The following FAM168A variants were observed in gnomAD, a reference collection of about 807,000 sequenced individuals.
FAM168A encodes the protein family with sequence similarity 168 member A, also known as protein FAM168A.
A neutral mutation model predicts 28.5 loss-of-function variants in FAM168A; 3 were observed. That is an observed-to-expected ratio of 0.11 (90% CI 0.05 to 0.27). FAM168A has a LOEUF of 0.27. Among genes scored for constraint, FAM168A ranks in the 10% least tolerant of loss-of-function variants. The pLI is 1.00. For synonymous variants in FAM168A, 122 were observed against 124.2 expected (o/e 0.98, Z 0.12); for missense variants, 222 against 311.5 (o/e 0.71, Z 2.16).
chr11:73,573,792 C>G (rs991905971), intron 1 of FAM168A, among the ~76,000 whole-genome samples: 1 of 151,972 alleles, frequency 6.6e-6, no homozygotes, highest in Non-Finnish European at 1.5e-5. Flanking sequence ...CCTGTCTCTA[C>G]AAAAAATTCA....
chr11:73,549,126 G>A (rs1590848241), intron 1 of FAM168A, among the ~76,000 whole-genome samples: 1 of 152,050 alleles, frequency 6.6e-6, no homozygotes, highest in East Asian at 1.9e-4. Flanking sequence ...ATTTTTAGTA[G>A]AGATGGGGTT....
chr11:73,461,976 C>T (rs1002462014), intron 2 of FAM168A, among the ~76,000 whole-genome samples: 17 of 152,052 alleles, frequency 1.1e-4, no homozygotes, highest in Admixed American at 2.0e-4. Context: ...CAAACATTGG[C>T]GAAGCTGTGC....
chr11:73,589,738 G>T (rs963955801), intron 1 of FAM168A, among the ~76,000 whole-genome samples: 2 of 152,122 alleles, frequency 1.3e-5, no homozygotes, highest in Non-Finnish European at 2.9e-5. Context: ...ACCAGCCTGG[G>T]CAAGATGCTG....
chr11:73,426,829 G>A (rs576398721), intron 3 of FAM168A, among the ~76,000 whole-genome samples: 1 of 151,902 alleles, frequency 6.6e-6, no homozygotes, highest in African/African-American at 2.4e-5. Flanking sequence ...CCGAGTTTGG[G>A]GCCTTTAAAT....
intron 4 of FAM168A, among the ~76,000 whole-genome samples, chr11:73,417,320 CATG>C (rs1866710577): frequency 6.6e-6 from 1 of 152,176 alleles, no homozygotes. Flanking sequence ...AGGTCCAATG[CATG>C]GACATCAATT....
rs117678944 is a variant in FAM168A, at chr11:73,470,424, C to A, written c.-18-1932G>T. Among the ~76,000 whole-genome samples the A allele has an allele frequency of 3.3e-3, 510 of 152,240 alleles. 2 individuals carry two copies. Among genetic ancestry groups the A allele is most frequent in the Admixed American group, 5.3e-3 (81 of 15,294 alleles). On this transcript the variant is annotated intron_variant, in intron 1 of 7. Coordinates refer to ENST00000356467, the MANE Select transcript of FAM168A (RefSeq NM_015159.3). ...CTGCAGTGGTTTGAATGTTTCCCCC[C>A]AGAAAGCACGTGCTGGAAGCTTAAT...
chr11:73,434,249 C>G (rs1716246508), intron 2 of FAM168A, among the ~76,000 whole-genome samples: 1 of 152,100 alleles, frequency 6.6e-6, no homozygotes, highest in African/African-American at 2.4e-5. Flanking sequence ...AACAAAGATT[C>G]CTGCCCTTGT....
chr11:73,489,737 C>G (rs751124384), intron 1 of FAM168A, among the ~76,000 whole-genome samples: 1 of 152,106 alleles, frequency 6.6e-6, no homozygotes, highest in Non-Finnish European at 1.5e-5. Flanking sequence ...TCTTGAATCC[C>G]TGGGCTCAAG....
intron 1 of FAM168A, among the ~76,000 whole-genome samples, chr11:73,484,520 A>ATCTATATATCTATATATCTATCTATATC (rs200648586): frequency 7.4e-6 from 1 of 135,002 alleles, no homozygotes; most frequent in Non-Finnish European, 1.6e-5. Flanking sequence ...ATATATAGAT[A>ATCTATATATCTATATATCTATCTATATC]TATATATCTA....
intron 2 of FAM168A, among the ~76,000 whole-genome samples, chr11:73,465,952 G>A (rs1341794510): frequency 1.3e-5 from 2 of 151,472 alleles, no homozygotes; most frequent in Non-Finnish European, 2.9e-5. Context: ...CTCGGTAAAG[G>A]GGCTTTAAAA....
chr11:73,534,217 A>G (rs1943548562), intron 1 of FAM168A, among the ~76,000 whole-genome samples: 1 of 152,190 alleles, frequency 6.6e-6, no homozygotes, highest in Non-Finnish European at 1.5e-5. Flanking sequence ...AGCAATAGCC[A>G]TAAAATACTG....
intron 1 of FAM168A, among the ~76,000 whole-genome samples, chr11:73,534,361 G>GCCACACAAGGCTCAAAAA (rs1487448484): frequency 2.0e-5 from 3 of 151,908 alleles, no homozygotes; most frequent in Non-Finnish European, 4.4e-5. Context: ...TCAGAAACTG[G>GCCACACAAGGCTCAAAAA]CAGTATCATG....
rs377070381 is a variant in FAM168A at position 73,478,162 on chromosome 11, T to C, written c.-18-9670A>G. 1.6e-4 allele frequency among the ~76,000 whole-genome samples: 25 copies of C among 152,344 alleles called. 1 individual carries two copies. In the East Asian group the frequency reaches 2.9e-3, roughly 18 times the overall value. ...TCTACATTTTACTGAATTACATTAG[T>C]TTGCATCTGAACTAGACTGAAATAA... is the stretch of plus-strand genomic sequence containing the variant. On this transcript the variant is annotated intron_variant, in intron 1 of 7. Coordinates refer to ENST00000356467, the MANE Select transcript of FAM168A (RefSeq NM_015159.3).
At chr11:73,524,097 T>C (rs1328647381) in intron 1 of FAM168A, among the ~76,000 whole-genome samples, 1 of 152,178 alleles carries the variant, frequency 6.6e-6, no homozygotes, top group African/African-American at 2.4e-5. Flanking sequence ...CCTCTCAGAA[T>C]GTAAGATAAT....
At chr11:73,407,665 A>G in intron 6 of FAM168A, 22 bp from the exon 7 acceptor site, 1 of 1,594,518 alleles carries the variant, frequency 6.3e-7, no homozygotes, top group South Asian at 1.1e-5. Flanking sequence ...GAGAGAGAAG[A>G]GTAACCTGAC....
chr11:73,517,969 A>C (rs1943326169), intron 1 of FAM168A, among the ~76,000 whole-genome samples: 1 of 152,208 alleles, frequency 6.6e-6, no homozygotes, highest in African/African-American at 2.4e-5. Context: ...GCAGGAGCAA[A>C]GGCAATCTGG....
chr11:73,574,272 G>A (rs1944144200), intron 1 of FAM168A, among the ~76,000 whole-genome samples: 1 of 152,094 alleles, frequency 6.6e-6, no homozygotes, highest in South Asian at 2.1e-4. Flanking sequence ...TGGGAAAGTT[G>A]GCTATTATTA....
intron 1 of FAM168A, among the ~76,000 whole-genome samples, chr11:73,491,494 A>T (rs542408540): frequency 7.2e-5 from 11 of 152,312 alleles, no homozygotes; most frequent in Non-Finnish European, 1.5e-4. Context: ...TGAACTGAAT[A>T]ATTATTGAGG....
chr11:73,590,103 T>G (rs1186079878), intron 1 of FAM168A, among the ~76,000 whole-genome samples: 1 of 151,930 alleles, frequency 6.6e-6, no homozygotes, highest in Non-Finnish European at 1.5e-5. Flanking sequence ...CTTATTTTCA[T>G]TAGAATATGC....
Sources: allele counts gnomAD v4.1 joint callset (sites outside exome capture counted in the v4.1 genomes callset), GRCh38; gene constraint gnomAD v4.1.1; transcripts MANE v1.5; gene names NCBI Gene and HGNC (gene_info 2026-07-23, HGNC 2026-07-21).